Variants in NTN4 observed in about 807,000 individuals in gnomAD.
NTN4 encodes the protein netrin-4.
In NTN4, 32 loss-of-function variants were observed where a neutral mutation model predicts 73.6. The ratio of observed to expected loss-of-function variants is 0.44; its 90% CI spans 0.33 to 0.58. The LOEUF (loss-of-function observed/expected upper bound fraction) is 0.58, where lower values mean the gene tolerates loss of function less well. Ranked by LOEUF, NTN4 falls within the 20% of genes least tolerant of loss-of-function variation. The pLI, the probability that NTN4 is intolerant of heterozygous loss-of-function variation, is 0.04. For missense variants in NTN4, 654 were observed against 798.3 expected, an observed-to-expected ratio of 0.82 and a Z score of 2.18; for synonymous variants, 258 against 287.5, an observed-to-expected ratio of 0.90 and a Z score of 1.04.
intron 2 of NTN4, among the ~76,000 whole-genome samples, chr12:95,771,460 C>T (rs915388427): frequency 1.3e-5 from 2 of 152,040 alleles, no homozygotes; most frequent in Non-Finnish European, 2.9e-5. Flanking sequence ...TTAAAAAATT[C>T]TGCACACAAA....
rs895562018 is a variant in NTN4 at position 95,750,150 on chromosome 12, TA to T, written c.586-12007del. 1.4e-3 allele frequency among the ~76,000 whole-genome samples: 210 copies of T among 151,824 alleles called. 1 individual carries two copies. In the Middle Eastern group the frequency reaches 0.017, roughly 12 times the overall value. On this transcript the variant is annotated intron_variant, in intron 2 of 9. Transcript: ENST00000343702. ...CTCTTATCTCTGCGCCCCAATCCCTTATTTCTGTGCCCCGACCCCTTATTTC... is the reference window on the plus strand; with the variant it reads ...CTCTTATCTCTGCGCCCCAATCCCTTTTTCTGTGCCCCGACCCCTTATTTC...
chr12:95,693,264 A>C (rs2078415249), intron 5 of NTN4, among the ~76,000 whole-genome samples: 1 of 151,920 alleles, frequency 6.6e-6, no homozygotes, highest in South Asian at 2.1e-4. Context: ...AGGAGCAACA[A>C]ACTGCCTCAT....
intron 7 of NTN4, among the ~76,000 whole-genome samples, chr12:95,682,421 C>A (rs1380351334): frequency 5.7e-5 from 6 of 104,574 alleles, no homozygotes; most frequent in African/African-American, 1.8e-4. Context: ...TTTGGGTGAC[C>A]TCTTTTTTTT....
chr12:95,723,738 C>G (rs1000422069), intron 3 of NTN4, among the ~76,000 whole-genome samples: 2 of 152,184 alleles, frequency 1.3e-5, no homozygotes, highest in Non-Finnish European at 2.9e-5. Flanking sequence ...TCTCAAACTC[C>G]TTACCTCAGG....
chr12:95,768,040 C>T (rs2121261866), intron 2 of NTN4, among the ~76,000 whole-genome samples: 1 of 152,272 alleles, frequency 6.6e-6, no homozygotes, highest in African/African-American at 2.4e-5. Context: ...GTGCTTGAAA[C>T]CATACGAAGC....
chr12:95,703,403 A>G (rs1243525071), intron 5 of NTN4, among the ~76,000 whole-genome samples: 3 of 152,230 alleles, frequency 2.0e-5, no homozygotes, highest in African/African-American at 7.2e-5. Context: ...TGTCTTCCCA[A>G]GTAAAGTCTT....
chr12:95,678,349 TAAAA>T (rs59083360), intron 7 of NTN4, among the ~76,000 whole-genome samples: 173 of 110,914 alleles, frequency 1.6e-3, no homozygotes, highest in Middle Eastern at 4.3e-3. Context: ...GAACTTAAAG[TAAAA>T]AAAAAAAAAA....
chr12:95,695,646 C>T (rs2078435865), intron 5 of NTN4, among the ~76,000 whole-genome samples: 1 of 152,120 alleles, frequency 6.6e-6, no homozygotes, highest in Non-Finnish European at 1.5e-5. Flanking sequence ...ATTACAGGCG[C>T]TCAGCCATAG....
chr12:95,717,743 G>T (rs1412108162), intron 3 of NTN4, among the ~76,000 whole-genome samples: 2 of 151,694 alleles, frequency 1.3e-5, no homozygotes, highest in African/African-American at 2.4e-5. Context: ...ACATGAACTA[G>T]ATAAGGAGCA....
chr12:95,754,170 A>C (rs1429528016), intron 2 of NTN4, among the ~76,000 whole-genome samples: 1 of 151,936 alleles, frequency 6.6e-6, no homozygotes, highest in Non-Finnish European at 1.5e-5. Context: ...TCCTTCTTTT[A>C]TTCCATTTAG....
At chr12:95,763,303 T>C (rs2079000958) in intron 2 of NTN4, among the ~76,000 whole-genome samples, 1 of 143,744 alleles carries the variant, frequency 7.0e-6, no homozygotes. Context: ...TGCAAGAAGT[T>C]CCTCTATAAT....
At chr12:95,685,268 C>G (rs1172917532) in intron 5 of NTN4, among the ~76,000 whole-genome samples, 1 of 152,158 alleles carries the variant, frequency 6.6e-6, no homozygotes, top group Non-Finnish European at 1.5e-5. Flanking sequence ...ATCAACCTAC[C>G]CACTTAGTCT....
chr12:95,717,059 C>T (rs1364874530), intron 3 of NTN4, among the ~76,000 whole-genome samples: 10 of 152,146 alleles, frequency 6.6e-5, no homozygotes, highest in Non-Finnish European at 1.3e-4. Flanking sequence ...ATCCTCCCAC[C>T]TCAGCCTCCT....
chr12:95,700,253 C>T (rs2078474478), intron 5 of NTN4, among the ~76,000 whole-genome samples: 1 of 151,890 alleles, frequency 6.6e-6, no homozygotes, highest in Non-Finnish European at 1.5e-5. Flanking sequence ...TGCATACCAT[C>T]ATGCTCAGCT....
chr12:95,756,367 T>C lies in NTN4; in HGVS notation c.586-18223A>G, dbSNP rs193050363. Reference sequence around the variant, plus strand: ...GGCTCGCAAAGATGTAGTGAACGTTTTCTTCAAAGGTCTGAGATGTGGAAA... The same window carrying C: ...GGCTCGCAAAGATGTAGTGAACGTTCTCTTCAAAGGTCTGAGATGTGGAAA... On this transcript the variant is annotated intron_variant, in intron 2 of 9. Coordinates refer to ENST00000343702, the MANE Select transcript of NTN4 (RefSeq NM_021229.4). Among the ~76,000 whole-genome samples the C allele has an allele frequency of 9.6e-4, 146 of 152,276 alleles. 2 individuals carry two copies. The East Asian group carries it at 0.022, about 23-fold the overall frequency.
At chr12:95,683,974 G>A (rs1413026385) in intron 5 of NTN4, among the ~76,000 whole-genome samples, 1 of 152,194 alleles carries the variant, frequency 6.6e-6, no homozygotes, top group Non-Finnish European at 1.5e-5. Flanking sequence ...ATGCCCTTTG[G>A]TTGGGGTGAT....
rs1400806422 is a variant in NTN4, at chr12:95,790,302, C to T, written c.8G>A (p.Ser3Asn). MG[S>N]CARLLLLWGC... ...CCAGAGCAGCAGCAGCCGCGCGCAG[C>T]TCCCCATGGCCGGGAGGAGCCGGGA... Residue 3 changes from serine (S) to asparagine (N), a missense_variant, in exon 1 of 10, where the codon AGC becomes AAC. By Grantham distance (46) the Ser-to-Asn change is conservative. Transcript: ENST00000343702. The surrounding 1 kb of genome is among the most constrained non-coding windows in gnomAD (Gnocchi z 6.5). 24 of 1,531,440 alleles carry T rather than the reference C, an allele frequency of 1.6e-5. No individual in the cohort carries two copies. Among genetic ancestry groups the T allele is most frequent in the Non-Finnish European group, 1.9e-5 (22 of 1,139,780 alleles). 94.9% of individuals were successfully genotyped at this position (1,531,440 alleles called of 1,614,324 possible).
rs147133285 is a variant in NTN4 at position 95,785,783 on chromosome 12, A to G, written c.585+1156T>C. Among the ~76,000 whole-genome samples the G allele has an allele frequency of 2.6e-3, 401 of 152,316 alleles. 5 individuals are homozygous for G. The highest frequency in any genetic ancestry group is 9.4e-3 in the African/African-American group (391 of 41,574). On this transcript the variant is annotated intron_variant, in intron 2 of 9. Coordinates refer to ENST00000343702, the MANE Select transcript of NTN4 (RefSeq NM_021229.4). ...AAGTCTGAGAATAGTTATATAAAGG[A>G]TGCTAGAAGAGTGCTTACCCTAGTT...
At chr12:95,750,465 A>G (rs188790765) in intron 2 of NTN4, among the ~76,000 whole-genome samples, 2 of 152,140 alleles carry the variant, frequency 1.3e-5, no homozygotes, top group Non-Finnish European at 2.9e-5. Context: ...CTGCAATGCC[A>G]CTTGACCCCA....
Sources: gnomAD v4.1 joint callset for allele counts (sites outside exome capture counted in the v4.1 genomes callset) on GRCh38, gnomAD v4.1.1 for gene constraint, Gnocchi (gnomAD v3.1) non-coding constraint, MANE v1.5 for transcripts, NCBI Gene and HGNC (gene_info 2026-07-23, HGNC 2026-07-21) for gene names.